PARL: variants seen among roughly 807,000 people sequenced by gnomAD.
The protein encoded by PARL is presenilin-associated rhomboid-like protein, mitochondrial.
PARL carries 44 observed loss-of-function variants against 51.6 expected under a neutral mutation model. The ratio of observed to expected loss-of-function variants is 0.85; its 90% CI spans 0.67 to 1.10. The LOEUF is 1.10. Ranked by LOEUF, PARL falls within the 50% of genes least tolerant of loss-of-function variation. The pLI is 0.00. For missense variants in PARL, 441 were observed against 469.5 expected (o/e 0.94, Z 0.56); for synonymous variants, 172 against 164.0 (o/e 1.05, Z -0.37).
intron 7 of PARL, among the ~76,000 whole-genome samples, chr3:183,838,321 C>T (rs1022413737): frequency 1.3e-5 from 2 of 152,204 alleles, no homozygotes; most frequent in Non-Finnish European, 2.9e-5. Context: ...GCCACTGTGC[C>T]TGGCTGTCCC....
At position 183,884,589 on chromosome 3, in the gene PARL, G is replaced by C. The variant is rs919475314; in HGVS notation, c.125+133C>G. ...GACTGGACGGAGGCGAGAGAGGAGA[G>C]AGAAGGGGCAGGTAAGGTGAAGGGG... On this transcript the variant is annotated intron_variant, in intron 1 of 9. Transcript: ENST00000317096. 8 of 850,534 alleles carry C rather than the reference G, an allele frequency of 9.4e-6. No homozygotes were observed. The African/African-American group carries it at 1.3e-4, about 14-fold the overall frequency. 52.7% of individuals were successfully genotyped at this position (850,534 alleles called of 1,614,324 possible).
At chr3:183,878,649 T>C (rs1207564119) in intron 1 of PARL, among the ~76,000 whole-genome samples, 1 of 152,126 alleles carries the variant, frequency 6.6e-6, no homozygotes, top group Non-Finnish European at 1.5e-5. Flanking sequence ...AGAGTCAAGA[T>C]CTATTCATAC....
chr3:183,838,867 T>A (rs919903651), intron 7 of PARL, among the ~76,000 whole-genome samples: 1 of 152,162 alleles, frequency 6.6e-6, no homozygotes, highest in African/African-American at 2.4e-5. Flanking sequence ...ATTAGAAAGG[T>A]CTCTTCACTC....
intron 4 of PARL, among the ~76,000 whole-genome samples, chr3:183,849,705 T>C (rs546743161): frequency 2.2e-4 from 33 of 151,928 alleles, no homozygotes; most frequent in Admixed American, 3.9e-4. Context: ...TGGATTTGTT[T>C]GAAATGATCA....
At chr3:183,874,469 C>T (rs866472615) in intron 1 of PARL, among the ~76,000 whole-genome samples, 7 of 148,068 alleles carry the variant, frequency 4.7e-5, no homozygotes, top group African/African-American at 7.6e-5. Flanking sequence ...AGTGCAGTGG[C>T]GCGATCTCGA....
chr3:183,827,565 T>A (rs911694466), downstream of PARL, among the ~76,000 whole-genome samples: 3 of 152,046 alleles, frequency 2.0e-5, no homozygotes, highest in Non-Finnish European at 4.4e-5. Context: ...AAGAACAGGC[T>A]CAACAGTCCA....
At chr3:183,850,930 G>C (rs1730473069) in intron 4 of PARL, among the ~76,000 whole-genome samples, 1 of 152,200 alleles carries the variant, frequency 6.6e-6, no homozygotes, top group African/African-American at 2.4e-5. Flanking sequence ...TAAAGACAAT[G>C]TAGTATTAGA....
intron 2 of PARL, among the ~76,000 whole-genome samples, chr3:183,867,516 A>C (rs947121043): frequency 9.9e-5 from 15 of 151,886 alleles, no homozygotes; most frequent in African/African-American, 2.7e-4. Context: ...CTGGCTAACA[A>C]GGTGAAACCC....
chr3:183,871,869 T>C (rs1274649281), intron 1 of PARL, among the ~76,000 whole-genome samples: 3 of 152,200 alleles, frequency 2.0e-5, no homozygotes, highest in Non-Finnish European at 4.4e-5. Flanking sequence ...ATATGTAAAC[T>C]GTATCTCAAT....
rs1024453803 is a variant in PARL at position 183,843,552 on chromosome 3, C to T, written c.607+679G>A. ...AAAATAAAATAAAAAGTAAATTGGC[C>T]GGGCGCAGTGGCTCACGCCTATAAT... On this transcript the variant is annotated intron_variant, in intron 5 of 9. Transcript: ENST00000317096. Among the ~76,000 whole-genome samples, 10 of 152,056 alleles carry T rather than the reference C, an allele frequency of 6.6e-5. No individual in the cohort carries two copies. In the South Asian group the frequency reaches 1.0e-3, roughly 16 times the overall value.
Position 183,884,811 on chromosome 3 carries a change from G to C in PARL, c.36C>G (p.Gly12=). The C allele has an allele frequency of 6.3e-7, 1 of 1,596,060 alleles. No homozygotes were observed. The highest frequency in any genetic ancestry group is 1.1e-5 in the South Asian group (1 of 90,470). The change falls in exon 1 of 10, where the codon GGC becomes GGG. Residue 12 remains glycine (G), a synonymous_variant. Transcript: ENST00000317096. Reference sequence around the variant, plus strand: ...CCGACGCACCCCACGCCTGGCCGCAGCCCCAGCCTCTCTGCGCCCAGCCTC... The same window carrying C: ...CCGACGCACCCCACGCCTGGCCGCACCCCCAGCCTCTCTGCGCCCAGCCTC... The part of the protein sequence containing the change: ...AWRGWAQRGW[G]CGQAWGASVG...
intron 4 of PARL, among the ~76,000 whole-genome samples, chr3:183,854,997 C>T (rs1282686243): frequency 6.6e-6 from 1 of 152,076 alleles, no homozygotes; most frequent in East Asian, 1.9e-4. Flanking sequence ...ATATATACTG[C>T]AACACGAGTG....
At chr3:183,847,553 G>A (rs1464523170) in intron 4 of PARL, among the ~76,000 whole-genome samples, 1 of 151,826 alleles carries the variant, frequency 6.6e-6, no homozygotes, top group African/African-American at 2.4e-5. Flanking sequence ...GACAGAGGGA[G>A]ACCCTGTCTC....
intron 4 of PARL, among the ~76,000 whole-genome samples, chr3:183,853,651 T>C (rs1730802609): frequency 6.6e-6 from 1 of 152,034 alleles, no homozygotes; most frequent in Non-Finnish European, 1.5e-5. Context: ...ATAAAACAAA[T>C]GGCCAACGAG....
chr3:183,878,148 G>C (rs1255480555), intron 1 of PARL, among the ~76,000 whole-genome samples: 1 of 152,150 alleles, frequency 6.6e-6, no homozygotes, highest in Non-Finnish European at 1.5e-5. Flanking sequence ...GGCTTCACTC[G>C]TACCTGGAGC....
intron 7 of PARL, among the ~76,000 whole-genome samples, chr3:183,834,566 C>T (rs577506664): frequency 6.6e-6 from 1 of 152,202 alleles, no homozygotes; most frequent in East Asian, 1.9e-4. Context: ...GGTAAGTTGT[C>T]GCCAGGGGTA....
intron 1 of PARL, among the ~76,000 whole-genome samples, chr3:183,878,011 G>A (rs531384049): frequency 5.3e-5 from 8 of 152,072 alleles, no homozygotes; most frequent in South Asian, 2.1e-4. Context: ...GGCCGGTCTC[G>A]AACTCCTGAG....
chr3:183,831,395 T>C (rs1286675133), intron 9 of PARL, among the ~76,000 whole-genome samples: 1 of 152,244 alleles, frequency 6.6e-6, no homozygotes, highest in Non-Finnish European at 1.5e-5. Context: ...TAAACTAAAA[T>C]CGGGAAATGC....
At chr3:183,834,594 A>C (rs1450658876) in intron 7 of PARL, among the ~76,000 whole-genome samples, 1 of 152,178 alleles carries the variant, frequency 6.6e-6, no homozygotes, top group Non-Finnish European at 1.5e-5. Flanking sequence ...GGCAGGAAGG[A>C]GTGACCACTA....
Sources: gnomAD v4.1 joint callset for allele counts (sites outside exome capture counted in the v4.1 genomes callset) on GRCh38, gnomAD v4.1.1 for gene constraint, MANE v1.5 for transcripts, NCBI Gene and HGNC (gene_info 2026-07-23, HGNC 2026-07-21) for gene names.